RABEP1: variants seen among roughly 807,000 people sequenced by gnomAD.
RABEP1 encodes rab GTPase-binding effector protein 1.
In RABEP1, 51 loss-of-function variants were observed where a neutral mutation model predicts 123.4. The observed-to-expected ratio is 0.41, with a 90% CI of 0.33 to 0.52. RABEP1 has a LOEUF of 0.52. RABEP1 is among the 20% of genes least tolerant of loss of function. The pLI is 0.16. For missense variants in RABEP1, 888 were observed against 996.3 expected (o/e 0.89, Z 1.46); for synonymous variants, 347 against 355.2 (o/e 0.98, Z 0.26).
chr17:5,353,914 G>C (rs939318598), intron 7 of RABEP1, among the ~76,000 whole-genome samples: 3 of 152,226 alleles, frequency 2.0e-5, no homozygotes, highest in African/African-American at 7.2e-5. Flanking sequence ...GAACCCAGGA[G>C]GTTGAGGCTG....
At chr17:5,375,304 C>G (rs1910902240) in intron 13 of RABEP1, among the ~76,000 whole-genome samples, 1 of 152,152 alleles carries the variant, frequency 6.6e-6, no homozygotes, top group South Asian at 2.1e-4. Flanking sequence ...CTGTCTCCCA[C>G]CTTTCCCCAA....
intron 13 of RABEP1, 116 bp from the exon 14 acceptor site, chr17:5,377,000 G>A (rs1911044225): frequency 9.1e-7 from 1 of 1,096,650 alleles, no homozygotes; most frequent in Non-Finnish European, 1.3e-6. Context: ...AATGGTCAAA[G>A]TCTTAATTTT....
At chr17:5,337,209 A>G (rs532521777) in intron 4 of RABEP1, among the ~76,000 whole-genome samples, 1 of 152,330 alleles carries the variant, frequency 6.6e-6, no homozygotes, top group African/African-American at 2.4e-5. Context: ...TTTAGATGGT[A>G]AAAGTAAAAT....
chr17:5,361,261 G>A lies in RABEP1; in HGVS notation c.1149G>A (p.Leu383=). 3.1e-6 allele frequency: 5 copies of A among 1,614,184 alleles called. No individual in the cohort carries two copies. The highest frequency in any genetic ancestry group is 4.2e-6 in the Non-Finnish European group (5 of 1,180,042). ...TTCATTCCTTAGATGCAGGCTTGCT[G>A]TTGCCATCTGGAGATCCTTTCAGTA... ...GSVHSLDAGL[L]LPSGDPFSKS... is the part of the protein sequence containing the mutation. The change falls in exon 9 of 18, where the codon CTG becomes CTA. Residue 383 remains leucine (L), a synonymous_variant. Coordinates refer to ENST00000537505, the MANE Select transcript of RABEP1 (RefSeq NM_004703.6).
intron 2 of RABEP1, among the ~76,000 whole-genome samples, chr17:5,329,607 A>G (rs1906323569): frequency 6.6e-6 from 1 of 152,180 alleles, no homozygotes; most frequent in Non-Finnish European, 1.5e-5. Flanking sequence ...TTGTTGTAGT[A>G]TACCCTCAAC....
intron 13 of RABEP1, among the ~76,000 whole-genome samples, chr17:5,376,334 A>G (rs1910991341): frequency 6.6e-6 from 1 of 152,168 alleles, no homozygotes; most frequent in South Asian, 2.1e-4. Context: ...TCTCAAGAAA[A>G]AGAAAAAAAA....
intron 4 of RABEP1, chr17:5,336,355 T>C (rs1053485710): frequency 2.6e-6 from 1 of 386,518 alleles, no homozygotes; most frequent in African/African-American, 2.2e-5. Flanking sequence ...CTCCTGTTGT[T>C]AATGTTTTAC....
chr17:5,318,796 G>T (rs1424930234), intron 2 of RABEP1, among the ~76,000 whole-genome samples: 1 of 152,172 alleles, frequency 6.6e-6, no homozygotes, highest in Non-Finnish European at 1.5e-5. Flanking sequence ...GCACATAGAT[G>T]CAAGATTCCT....
At chr17:5,378,400 TGA>T (rs1911178899) in intron 15 of RABEP1, 168 bp downstream of exon 15, 4 of 702,570 alleles carry the variant, frequency 5.7e-6, no homozygotes, top group African/African-American at 1.8e-5. Flanking sequence ...GGTGATTTAT[TGA>T]GAGTGCCCTG....
At position 5,378,160 on chromosome 17, in the gene RABEP1, C is replaced by A. The variant is rs982764715; in HGVS notation, c.2216-17C>A. ...ATAATAGATGAATGCTAATACATCT[C>A]ATTTTTTTCCTTCTAGCTTCTATTT... On this transcript the variant is annotated splice_polypyrimidine_tract_variant and intron_variant, in intron 14 of 17. Coordinates refer to ENST00000537505, the MANE Select transcript of RABEP1 (RefSeq NM_004703.6). The A allele has an allele frequency of 3.9e-6, 6 of 1,544,902 alleles. No homozygotes were observed. In the African/African-American group the frequency reaches 8.2e-5, roughly 21 times the overall value.
At chr17:5,372,589 A>G (rs536279689) in intron 12 of RABEP1, among the ~76,000 whole-genome samples, 1 of 152,338 alleles carries the variant, frequency 6.6e-6, no homozygotes, top group South Asian at 2.1e-4. Context: ...TAGGAAATGA[A>G]GACACTACTC....
Position 5,378,212 on chromosome 17 carries a change from A to G in RABEP1, c.2251A>G (p.Ile751Val). The part of the protein sequence containing the change: ...ISSLKAELER[I>V]KVEKGQLEST... ...TAGCCTAAAAGCTGAATTAGAAAGAATAAAAGTGGAAAAAGGACAGGTAAG... is the reference window on the plus strand; with the variant it reads ...TAGCCTAAAAGCTGAATTAGAAAGAGTAAAAGTGGAAAAAGGACAGGTAAG... Residue 751 changes from isoleucine (I) to valine (V), a missense_variant, in exon 15 of 18, where the codon ATA (isoleucine) becomes GTA (valine). Coordinates refer to ENST00000537505, the MANE Select transcript of RABEP1 (RefSeq NM_004703.6). 1 of 1,594,510 alleles carries G rather than the reference A, an allele frequency of 6.3e-7. No homozygotes were observed. Among genetic ancestry groups the G allele is most frequent in the Non-Finnish European group, 8.6e-7 (1 of 1,162,234 alleles).
At chr17:5,319,327 CAAA>C (rs200353804) in intron 2 of RABEP1, among the ~76,000 whole-genome samples, 1 of 114,700 alleles carries the variant, frequency 8.7e-6, no homozygotes, top group Non-Finnish European at 1.7e-5. Context: ...GACTCTGTCT[CAAA>C]AAAAAAAAAA....
chr17:5,306,396 G>T (rs1335100544), intron 1 of RABEP1, among the ~76,000 whole-genome samples: 1 of 152,182 alleles, frequency 6.6e-6, no homozygotes, highest in African/African-American at 2.4e-5. Flanking sequence ...GGGAGGCCGA[G>T]GTGGGTGGAT....
chr17:5,335,157 T>C (rs748051112), intron 3 of RABEP1, 27 bp from the exon 4 acceptor site: 7 of 1,564,670 alleles, frequency 4.5e-6, no homozygotes, highest in Non-Finnish European at 1.7e-6. Context: ...AATGCTTAGA[T>C]GTGAAATATG....
At chr17:5,318,593 A>T (rs1464692424) in intron 2 of RABEP1, among the ~76,000 whole-genome samples, 1 of 152,202 alleles carries the variant, frequency 6.6e-6, no homozygotes, top group East Asian at 1.9e-4. Flanking sequence ...TTTACTGGTG[A>T]GTTCTATCTG....
intron 1 of RABEP1, among the ~76,000 whole-genome samples, chr17:5,291,367 G>A (rs927040493): frequency 5.3e-5 from 8 of 152,222 alleles, no homozygotes; most frequent in African/African-American, 1.9e-4. Context: ...AGCCAAGATC[G>A]TGCCATTGCA....
chr17:5,326,969 T>C (rs747149689), intron 2 of RABEP1, among the ~76,000 whole-genome samples: 20 of 152,258 alleles, frequency 1.3e-4, no homozygotes, highest in Non-Finnish European at 2.9e-4. Flanking sequence ...GTATAGCCTA[T>C]TGCTACTAAA....
At position 5,336,997 on chromosome 17, in the gene RABEP1, T is replaced by G. The variant is rs571830887; in HGVS notation, c.529-1022T>G. Among the ~76,000 whole-genome samples the G allele has an allele frequency of 1.6e-4, 24 of 152,322 alleles. No individual in the cohort carries two copies. The South Asian group carries it at 4.8e-3, about 30-fold the overall frequency. On this transcript the variant is annotated intron_variant, in intron 4 of 17. Transcript: ENST00000537505. Reference sequence around the variant, plus strand: ...TAAATTCAGTGAATTAGGTTTTCAGTTTCTCTAGAAGGAAAAAAGCCAACT... The same window carrying G: ...TAAATTCAGTGAATTAGGTTTTCAGGTTCTCTAGAAGGAAAAAAGCCAACT...
Sources: gnomAD v4.1 joint callset for allele counts (sites outside exome capture counted in the v4.1 genomes callset) on GRCh38, gnomAD v4.1.1 for gene constraint, MANE v1.5 for transcripts, NCBI Gene and HGNC (gene_info 2026-07-23, HGNC 2026-07-21) for gene names.